Variants in PMAIP1 observed in about 807,000 individuals in gnomAD.
PMAIP1 encodes phorbol-12-myristate-13-acetate-induced protein 1, also known as PMA-induced protein 1.
PMAIP1 carries 3 observed loss-of-function variants against 3.7 expected under a neutral mutation model. That is an observed-to-expected ratio of 0.82 (90% CI 0.37 to 2.12). The LOEUF is 2.12. Among genes scored for constraint, PMAIP1 ranks in the 30% most tolerant of loss-of-function variants. The pLI, the probability that PMAIP1 is intolerant of heterozygous loss-of-function variation, is 0.06. For synonymous variants in PMAIP1, 29 were observed against 26.2 expected, an observed-to-expected ratio of 1.11 and a Z score of -0.32; for missense variants, 77 against 67.1, an observed-to-expected ratio of 1.15 and a Z score of -0.52.
At chr18:59,900,270 C>A in intron 1 of PMAIP1, 35 bp downstream of exon 1, 1 of 1,533,472 alleles carries the variant, frequency 6.5e-7, no homozygotes, top group East Asian at 2.5e-5. Context: ...AGACCCAGGC[C>A]GGGCGGGGTC....
chr18:59,900,108 TCCGA>T lies in PMAIP1; in HGVS notation c.-69_-66del, dbSNP rs1301270233. Reference sequence around the variant, plus strand: ...GTGTTCAGCTCGCGTCCTGCAGCTGTCCGAGGTGCTCCAGTTGGAGGCTGAGGTT... The same window carrying T: ...GTGTTCAGCTCGCGTCCTGCAGCTGTGGTGCTCCAGTTGGAGGCTGAGGTT... On this transcript the variant is annotated 5_prime_UTR_variant, in exon 1 of 2. Transcript: ENST00000316660. The T allele has an allele frequency of 2.7e-6, 4 of 1,493,534 alleles. No individual in the cohort carries two copies. Among genetic ancestry groups the T allele is most frequent in the Non-Finnish European group, 3.6e-6 (4 of 1,108,020 alleles). The allele number at this position is 1,493,534 out of a possible 1,614,324, so 92.5% of individuals were successfully genotyped here. A position where few individuals can be genotyped will look rare whatever the true frequency, so the allele number is the denominator to read the frequency against.
At position 59,903,791 on chromosome 18, in the gene PMAIP1, T is replaced by A. The variant is rs538692412; in HGVS notation, c.*1038T>A. 2.6e-5 allele frequency: 4 copies of A among 152,242 alleles called. No homozygotes were observed. Among genetic ancestry groups the A allele is most frequent in the South Asian group, 2.1e-4 (1 of 4,828 alleles). The allele number at this position is 152,242 out of a possible 1,614,324, so 9.4% of individuals were successfully genotyped here. A position where few individuals can be genotyped will look rare whatever the true frequency, so the allele number is the denominator to read the frequency against. On this transcript the variant is annotated 3_prime_UTR_variant, in exon 2 of 2. Transcript: ENST00000316660. Reference sequence around the variant, plus strand: ...CTAGAATGAAAGTTCCATATATGCATTGGTGAATATATATGTATACACATA... The same window carrying A: ...CTAGAATGAAAGTTCCATATATGCAATGGTGAATATATATGTATACACATA...
At chr18:59,902,095 G>A (rs184842660) in intron 1 of PMAIP1, among the ~76,000 whole-genome samples, 215 of 152,266 alleles carry the variant, frequency 1.4e-3, no homozygotes, top group Non-Finnish European at 2.4e-3. Context: ...GTTTTTTAAC[G>A]AGAAAAAGAA....
At position 59,902,790 on chromosome 18, in the gene PMAIP1, A is replaced by C. The variant is rs758055156; in HGVS notation, c.*37A>C. 1.9e-6 allele frequency: 3 copies of C among 1,614,126 alleles called. No homozygotes were observed. Among genetic ancestry groups the C allele is most frequent in the Non-Finnish European group, 2.5e-6 (3 of 1,179,990 alleles). ...ACTTGCATGAGGGGACTCCTTCAAA[A>C]GAGTTTTCTCAGGAGGTGCACGTTT... is the stretch of plus-strand genomic sequence containing the variant. On this transcript the variant is annotated 3_prime_UTR_variant, in exon 2 of 2. Coordinates refer to ENST00000316660, the MANE Select transcript of PMAIP1 (RefSeq NM_021127.3).
At position 59,900,123 on chromosome 18, in the gene PMAIP1, T is replaced by C. The variant is rs1233744423; in HGVS notation, c.-55T>C. 2.6e-6 allele frequency: 4 copies of C among 1,529,466 alleles called. No homozygotes were observed. The highest frequency in any genetic ancestry group is 1.4e-5 in the African/African-American group (1 of 73,206). The allele number at this position is 1,529,466 out of a possible 1,614,324, so 94.7% of individuals were successfully genotyped here. ...CCTGCAGCTGTCCGAGGTGCTCCAG[T>C]TGGAGGCTGAGGTTCCCGGGCTCTG... On this transcript the variant is annotated 5_prime_UTR_variant, in exon 1 of 2. Transcript: ENST00000316660.
At position 59,903,225 on chromosome 18, in the gene PMAIP1, A is replaced by G. The variant is rs545058893; in HGVS notation, c.*472A>G. ...ACATTGTATATGATTCGGTTTATAC[A>G]TATTACCTTGTTATAATGAAAAAAC... On this transcript the variant is annotated 3_prime_UTR_variant, in exon 2 of 2. Transcript: ENST00000316660. The G allele has an allele frequency of 9.1e-6, 2 of 220,166 alleles. No individual in the cohort carries two copies. Among genetic ancestry groups the G allele is most frequent in the South Asian group, 8.0e-5 (1 of 12,460 alleles). The allele number at this position is 220,166 out of a possible 1,614,324, so 13.6% of individuals were successfully genotyped here.
In PMAIP1 at chr18:59,900,624, G is replaced by A. The variant is rs1291347891; in HGVS notation, c.58+389G>A. 4.5e-6 allele frequency: 7 copies of A among 1,541,504 alleles called. No individual in the cohort carries two copies. The African/African-American group carries it at 8.2e-5, about 18-fold the overall frequency. On this transcript the variant is annotated intron_variant, in intron 1 of 1. Transcript: ENST00000316660. ...GAAAGTCATTGTCGCGGCAGAAGGG[G>A]CAGGAGAGAGCCCCGGGGACCGCCT...
At position 59,902,866 on chromosome 18, in the gene PMAIP1, A is replaced by G. The variant is rs2055783171; in HGVS notation, c.*113A>G. The G allele has an allele frequency of 1.3e-6, 2 of 1,549,880 alleles. No individual in the cohort carries two copies. The highest frequency in any genetic ancestry group is 1.2e-5 in the South Asian group (1 of 86,598). On this transcript the variant is annotated 3_prime_UTR_variant, in exon 2 of 2. Coordinates refer to ENST00000316660, the MANE Select transcript of PMAIP1 (RefSeq NM_021127.3). ...GTAATTGAGAGGAATGTGAAGGTGCATTCATGGGTGCCCTTGGAAACGGAA... is the reference window on the plus strand; with the variant it reads ...GTAATTGAGAGGAATGTGAAGGTGCGTTCATGGGTGCCCTTGGAAACGGAA...
At chr18:59,900,458 ACCAAG>A (rs1488059521) in intron 1 of PMAIP1, 3 of 1,543,002 alleles carry the variant, frequency 1.9e-6, no homozygotes, top group Non-Finnish European at 2.6e-6. Context: ...ACGGCGAGGG[ACCAAG>A]CCGGATTTGC....
chr18:59,902,525 A>G (rs747643879), intron 1 of PMAIP1, 122 bp from the exon 2 acceptor site: 15 of 805,638 alleles, frequency 1.9e-5, no homozygotes, highest in Non-Finnish European at 2.9e-5. Flanking sequence ...ACATAAAGCC[A>G]AAGTTAAGAG....
chr18:59,900,806 C>G, intron 1 of PMAIP1: 1 of 532,258 alleles, frequency 1.9e-6, no homozygotes, highest in Non-Finnish European at 3.4e-6. Flanking sequence ...TCGCACTCCC[C>G]ACCCCGATAC....
In PMAIP1 at chr18:59,902,665, C is replaced by T. The variant is rs766860842; in HGVS notation, c.77C>T (p.Ala26Val). The change falls in exon 2 of 2, where the codon GCT becomes GTT. Residue 26 changes from alanine (A) to valine (V), a missense_variant. Physicochemically the swap from Ala to Val is moderately conservative, Grantham distance 64. Transcript: ENST00000316660. ...TTCTCAGAGCTGGAAGTCGAGTGTG[C>T]TACTCAACTCAGGAGATTTGGAGAC... ...RAPAELEVEC[A>V]TQLRRFGDKL... The T allele has an allele frequency of 3.1e-6, 5 of 1,613,888 alleles. No homozygotes were observed. The South Asian group carries it at 4.4e-5, about 14-fold the overall frequency.
chr18:59,900,193 G>C lies in PMAIP1; in HGVS notation c.16G>C (p.Ala6Pro), dbSNP rs1445602111. MPGKK[A>P]RKNAQPSPAR... is the part of the protein sequence containing the mutation. ...ACCGGCGGAGATGCCTGGGAAGAAG[G>C]CGCGCAAGAACGCTCAACCGAGCCC... is the stretch of plus-strand genomic sequence containing the variant. The change falls in exon 1 of 2, where the codon GCG becomes CCG. Residue 6 changes from alanine (A) to proline (P), a missense_variant. By Grantham distance (27) the Ala-to-Pro change is conservative (BLOSUM62 -1). Coordinates refer to ENST00000316660, the MANE Select transcript of PMAIP1 (RefSeq NM_021127.3). 1 of 1,559,408 alleles carries C rather than the reference G, an allele frequency of 6.4e-7. No homozygotes were observed. Among genetic ancestry groups the C allele is most frequent in the Admixed American group, 1.9e-5 (1 of 51,770 alleles).
At position 59,903,139 on chromosome 18, in the gene PMAIP1, C is replaced by G. The variant is rs1466853757; in HGVS notation, c.*386C>G. On this transcript the variant is annotated 3_prime_UTR_variant, in exon 2 of 2. Coordinates refer to ENST00000316660, the MANE Select transcript of PMAIP1 (RefSeq NM_021127.3). ...ATTAGACTGGGCGGCTGGGGAGAAA[C>G]AGTTCAGTGCATTGTTGTTGTTGCT... 1 of 458,924 alleles carries G rather than the reference C, an allele frequency of 2.2e-6. No homozygotes were observed. Among genetic ancestry groups the G allele is most frequent in the African/African-American group, 2.0e-5 (1 of 51,170 alleles). 28.4% of individuals were successfully genotyped at this position (458,924 alleles called of 1,614,324 possible).
chr18:59,900,029 C>G lies in PMAIP1; in HGVS notation c.-149C>G. 1 of 721,352 alleles carries G rather than the reference C, an allele frequency of 1.4e-6. No individual in the cohort carries two copies. The highest frequency in any genetic ancestry group is 2.1e-5 in the South Asian group (1 of 46,898). The allele number at this position is 721,352 out of a possible 1,614,324, so 44.7% of individuals were successfully genotyped here. The stretch of plus-strand genomic sequence containing the variant: ...CCGGGCACTCACCGTGTGTAGTTGG[C>G]ATCTCCGCGCGTCCGGACACCCGAT... On this transcript the variant is annotated 5_prime_UTR_variant, in exon 1 of 2. Coordinates refer to ENST00000316660, the MANE Select transcript of PMAIP1 (RefSeq NM_021127.3).
Position 59,900,020 on chromosome 18 carries a change from T to C in PMAIP1, c.-158T>C. ...CAGAGTTTCCCGGGCACTCACCGTG[T>C]GTAGTTGGCATCTCCGCGCGTCCGG... On this transcript the variant is annotated 5_prime_UTR_variant, in exon 1 of 2. Transcript: ENST00000316660. The C allele has an allele frequency of 1.6e-6, 1 of 613,712 alleles. No individual in the cohort carries two copies. Among genetic ancestry groups the C allele is most frequent in the Non-Finnish European group, 2.7e-6 (1 of 374,802 alleles). The allele number at this position is 613,712 out of a possible 1,614,324, so 38.0% of individuals were successfully genotyped here.
At position 59,902,772 on chromosome 18, in the gene PMAIP1, T is replaced by A. The variant is rs565088805; in HGVS notation, c.*19T>A. 1.9e-6 allele frequency: 3 copies of A among 1,614,130 alleles called. No homozygotes were observed. The highest frequency in any genetic ancestry group is 2.5e-6 in the Non-Finnish European group (3 of 1,179,978). On this transcript the variant is annotated 3_prime_UTR_variant, in exon 2 of 2. Transcript: ENST00000316660. ...AACCTGACTGCATCAAAAACTTGCA[T>A]GAGGGGACTCCTTCAAAAGAGTTTT...
intron 1 of PMAIP1, among the ~76,000 whole-genome samples, chr18:59,902,441 T>TA (rs1197215148): frequency 6.6e-6 from 1 of 152,232 alleles, no homozygotes; most frequent in East Asian, 1.9e-4. Context: ...TCTTTATTCT[T>TA]ACCTTAACGA....
intron 1 of PMAIP1, chr18:59,900,715 G>C: frequency 1.2e-6 from 1 of 860,024 alleles, no homozygotes; most frequent in Non-Finnish European, 1.7e-6. Context: ...AGAAAATCTT[G>C]TAACATTTAA....
Sources: gnomAD v4.1 joint callset for allele counts (sites outside exome capture counted in the v4.1 genomes callset) on GRCh38, gnomAD v4.1.1 for gene constraint, MANE v1.5 for transcripts, NCBI Gene and HGNC (gene_info 2026-07-23, HGNC 2026-07-21) for gene names.